Variants in FANCA observed in about 807,000 individuals in gnomAD.
FANCA encodes FA complementation group A, also known as Fanconi anemia group A protein.
In FANCA, 236 loss-of-function variants were observed where a neutral mutation model predicts 194.3. The ratio of observed to expected loss-of-function variants is 1.21; its 90% CI spans 1.09 to 1.35. The LOEUF is 1.35. FANCA is among the 40% of genes most tolerant of loss of function. FANCA has a pLI of 0.00. For missense variants in FANCA, 2,628 were observed against 1,813.9 expected (o/e 1.45, Z -8.15); for synonymous variants, 1,014 against 715.8 (o/e 1.42, Z -6.65).
At chr16:89,739,637 T>A (rs949700788) in intron 39 of FANCA, 84 bp from the exon 40 acceptor site, 2 of 1,518,390 alleles carry the variant, frequency 1.3e-6, no homozygotes, top group Non-Finnish European at 1.8e-6. Flanking sequence ...GGTCGGGACG[T>A]GTACCCTGGG....
intron 5 of FANCA, among the ~76,000 whole-genome samples, chr16:89,809,266 G>A (rs2040785170): frequency 6.6e-6 from 1 of 152,092 alleles, no homozygotes; most frequent in Non-Finnish European, 1.5e-5. Flanking sequence ...AATCTGATAT[G>A]CATGTCCAAC....
At chr16:89,762,477 C>T (rs2038983969) in intron 28 of FANCA, among the ~76,000 whole-genome samples, 1 of 151,678 alleles carries the variant, frequency 6.6e-6, no homozygotes. Flanking sequence ...GTGTGTGGTC[C>T]CAGCCTCTTG....
chr16:89,792,327 G>C (rs2040103965), intron 12 of FANCA, 144 bp downstream of exon 12: 1 of 939,490 alleles, frequency 1.1e-6, no homozygotes, highest in Non-Finnish European at 1.7e-6. Flanking sequence ...CTGAGTGGTG[G>C]CCTTGATGAG....
At chr16:89,812,162 T>C (rs1347284950) in intron 3 of FANCA, among the ~76,000 whole-genome samples, 2 of 149,510 alleles carry the variant, frequency 1.3e-5, no homozygotes, top group Admixed American at 1.3e-4. Context: ...GGTGAAACCC[T>C]GTCTCTACTA....
At chr16:89,738,995 C>T (rs1010028646) in intron 41 of FANCA, 21 bp from the exon 42 acceptor site, 2 of 1,614,102 alleles carry the variant, frequency 1.2e-6, no homozygotes, top group African/African-American at 1.3e-5. Flanking sequence ...AACAGGCAAA[C>T]TCACAGGTTA....
intron 11 of FANCA, among the ~76,000 whole-genome samples, chr16:89,795,162 G>A (rs17232491): frequency 0.054 from 8,239 of 151,390 alleles, 276 homozygotes; most frequent in Non-Finnish European, 0.087. Context: ...GCACATGCCC[G>A]TAATCCCAGC....
At chr16:89,740,753 T>A (rs1273994774) in intron 38 of FANCA, 51 bp downstream of exon 38, 2 of 1,537,562 alleles carry the variant, frequency 1.3e-6, no homozygotes, top group South Asian at 2.3e-5. Context: ...CTGGTGCCCC[T>A]GCCTGGCCCA....
At chr16:89,796,364 C>A (rs967795227) in intron 10 of FANCA, among the ~76,000 whole-genome samples, 19 of 152,150 alleles carry the variant, frequency 1.2e-4, no homozygotes, top group African/African-American at 4.6e-4. Flanking sequence ...GGGAGCCAAC[C>A]CGACGGGGCC....
In FANCA at chr16:89,738,659, T is replaced by C. The variant is rs1414520846; in HGVS notation, c.4310A>G (p.Gln1437Arg). The change falls in exon 43 of 43, where the codon CAG becomes CGG. Residue 1437 changes from glutamine to arginine, a missense_variant. Gln to Arg is a conservative substitution (Grantham distance 43). Transcript: ENST00000389301. ...DCDPEVSAAL[Q>R]SRQQAAPDAD... The stretch of plus-strand genomic sequence containing the variant: ...GTCAGGGGCAGCCTGCTGTCTGCTC[T>C]GGAGGGCGGCGCTCACCTCTGGGTC... The C allele has an allele frequency of 2.5e-6, 4 of 1,613,704 alleles. No homozygotes were observed. In the South Asian group the frequency reaches 3.3e-5, roughly 13 times the overall value.
In FANCA at chr16:89,806,677, G is replaced by A. The variant is rs201185705; in HGVS notation, c.597-1285C>T. Among the ~76,000 whole-genome samples, 28 of 152,300 alleles carry A rather than the reference G, an allele frequency of 1.8e-4. No individual in the cohort carries two copies. In the East Asian group the frequency reaches 5.2e-3, roughly 28 times the overall value. On this transcript the variant is annotated intron_variant, in intron 6 of 42. Coordinates refer to ENST00000389301, the MANE Select transcript of FANCA (RefSeq NM_000135.4). ...GCACAGGGTTGGGGGCAAGGTCACA[G>A]ATCAACAGGATCCCAAGGCAGAAGA...
intron 41 of FANCA, 28 bp downstream of exon 41, chr16:89,739,105 T>G: frequency 6.2e-7 from 1 of 1,613,988 alleles, no homozygotes; most frequent in Non-Finnish European, 8.5e-7. Flanking sequence ...GGAGCTCCCC[T>G]GGAGGTGGGA....
chr16:89,777,728 A>G (rs895604380), intron 20 of FANCA, among the ~76,000 whole-genome samples: 46 of 152,136 alleles, frequency 3.0e-4, no homozygotes, highest in African/African-American at 1.1e-3. Context: ...TAAGTGATCC[A>G]AGGATACCTT....
At chr16:89,786,193 C>G (rs1449363145) in intron 14 of FANCA, among the ~76,000 whole-genome samples, 1 of 144,254 alleles carries the variant, frequency 6.9e-6, no homozygotes, top group Non-Finnish European at 1.5e-5. Context: ...TTTTTTTTTC[C>G]TTTTTTCTGA....
Position 89,740,626 on chromosome 16 carries a change from AC to A in FANCA, c.3828+177del, listed in dbSNP as rs1247287264. Reference sequence around the variant, plus strand: ...ACTCCAGCCTGGGTGACAGAGTGAGACCCCCATCTCAAAAAAAAAAAAAAAA... The same window carrying A: ...ACTCCAGCCTGGGTGACAGAGTGAGACCCCATCTCAAAAAAAAAAAAAAAA... On this transcript the variant is annotated intron_variant, in intron 38 of 42. Coordinates refer to ENST00000389301, the MANE Select transcript of FANCA (RefSeq NM_000135.4). 5 of 570,108 alleles carry A rather than the reference AC, an allele frequency of 8.8e-6. No homozygotes were observed. The East Asian group carries it at 9.0e-5, about 10-fold the overall frequency. The allele number at this position is 570,108 out of a possible 1,614,324, so 35.3% of individuals were successfully genotyped here.
chr16:89,762,294 T>G (rs939985113), intron 28 of FANCA, among the ~76,000 whole-genome samples: 10 of 152,270 alleles, frequency 6.6e-5, no homozygotes, highest in East Asian at 1.9e-4. Context: ...TAGTAAGACC[T>G]CATCTCATTT....
At chr16:89,748,557 CA>C in intron 33 of FANCA, 101 bp downstream of exon 33, 6 of 930,382 alleles carry the variant, frequency 6.4e-6, no homozygotes, top group Non-Finnish European at 1.0e-5. Context: ...ACCCTTTCCT[CA>C]GTAATTCACA....
chr16:89,771,913 G>T lies in FANCA; in HGVS notation c.2015-99C>A. The T allele has an allele frequency of 2.9e-6, 4 of 1,386,996 alleles. No individual in the cohort carries two copies. The Admixed American group carries it at 5.5e-5, about 19-fold the overall frequency. The allele number at this position is 1,386,996 out of a possible 1,614,324, so 85.9% of individuals were successfully genotyped here. On this transcript the variant is annotated intron_variant, in intron 22 of 42. Coordinates refer to ENST00000389301, the MANE Select transcript of FANCA (RefSeq NM_000135.4). The stretch of plus-strand genomic sequence containing the variant: ...CGCCTCCCGTCAAGTACGATTCCAC[G>T]GATCCTGCTGACTGCACACATCCCC...
intron 36 of FANCA, chr16:89,744,582 GCA>G: frequency 1.2e-5 from 4 of 347,336 alleles, no homozygotes; most frequent in Admixed American, 4.0e-5. Context: ...GGGAGCAGGT[GCA>G]AAGGAATCAC....
chr16:89,790,880 C>A (rs1264716560), intron 14 of FANCA, among the ~76,000 whole-genome samples: 1 of 151,846 alleles, frequency 6.6e-6, no homozygotes, highest in South Asian at 2.1e-4. Flanking sequence ...CCCAGGCTGG[C>A]GTACAGTGGT....
Sources: allele counts gnomAD v4.1 joint callset (sites outside exome capture counted in the v4.1 genomes callset), GRCh38; gene constraint gnomAD v4.1.1; transcripts MANE v1.5; gene names NCBI Gene and HGNC (gene_info 2026-07-23, HGNC 2026-07-21).